Variants in TSPEAR observed in about 807,000 individuals in gnomAD.
The protein encoded by TSPEAR is thrombospondin-type laminin G domain and EAR repeat-containing protein.
In TSPEAR, 69 loss-of-function variants were observed where a neutral mutation model predicts 71.6. The ratio of observed to expected loss-of-function variants is 0.96; its 90% CI spans 0.79 to 1.18. The LOEUF is 1.18. Among genes scored for constraint, TSPEAR ranks in the 50% most tolerant of loss-of-function variants. The pLI is 0.00. For synonymous variants in TSPEAR, 402 were observed against 387.2 expected (o/e 1.04, Z -0.45); for missense variants, 971 against 894.9 (o/e 1.09, Z -1.09).
intron 6 of TSPEAR, among the ~76,000 whole-genome samples, chr21:44,527,867 G>A (rs1399531140): frequency 1.3e-5 from 2 of 152,182 alleles, no homozygotes; most frequent in Admixed American, 6.5e-5. Context: ...TTTCCCACGG[G>A]TAACCTGTCT....
At chr21:44,540,313 T>A in intron 2 of TSPEAR, 1 of 1,205,910 alleles carries the variant, frequency 8.3e-7, no homozygotes, top group Non-Finnish European at 1.2e-6. Flanking sequence ...AGCGTCCCCT[T>A]CCTGGTTGCT....
chr21:44,613,432 A>C (rs1205683813), intron 1 of TSPEAR, among the ~76,000 whole-genome samples: 1 of 152,158 alleles, frequency 6.6e-6, no homozygotes, highest in Non-Finnish European at 1.5e-5. Flanking sequence ...CATTCGCTGT[A>C]GTGCCCTGGG....
Position 44,654,735 on chromosome 21 carries a change from G to A in TSPEAR, c.82+56698C>T, listed in dbSNP as rs192788162. 48 of 683,392 alleles carry A rather than the reference G, an allele frequency of 7.0e-5. 1 individual carries two copies. The Admixed American group carries it at 1.0e-3, about 15-fold the overall frequency. 42.3% of individuals were successfully genotyped at this position (683,392 alleles called of 1,614,324 possible). ...CAACAAGCCCCCTGGCATCTTCCTCGTGGGTGGTTTTTCCTCCTCTGCCCT... is the reference window on the plus strand; with the variant it reads ...CAACAAGCCCCCTGGCATCTTCCTCATGGGTGGTTTTTCCTCCTCTGCCCT... On this transcript the variant is annotated intron_variant, in intron 1 of 11. Transcript: ENST00000323084.
chr21:44,699,811 C>T (rs930852974), intron 1 of TSPEAR, among the ~76,000 whole-genome samples: 14 of 152,216 alleles, frequency 9.2e-5, no homozygotes, highest in African/African-American at 3.4e-4. Flanking sequence ...TGCCCCCAGA[C>T]CGAAGGGAAG....
intron 1 of TSPEAR, among the ~76,000 whole-genome samples, chr21:44,577,813 C>T (rs1186053458): frequency 2.0e-5 from 3 of 152,174 alleles, no homozygotes; most frequent in African/African-American, 4.8e-5. Context: ...CATTATAAAA[C>T]AAGAGAACAA....
rs192374813 is a variant in TSPEAR at position 44,591,464 on chromosome 21, C to T, written c.83-23459G>A. ...CACATGGGGCGGCAGAGGAGGGAAA[C>T]ACAGGAGGCCGTGCGGCAGCAGCTG... On this transcript the variant is annotated intron_variant, in intron 1 of 11. Coordinates refer to ENST00000323084, the MANE Select transcript of TSPEAR (RefSeq NM_144991.3). 2.0e-5 allele frequency: 33 copies of T among 1,614,044 alleles called. No individual in the cohort carries two copies. In the East Asian group the frequency reaches 6.5e-4, roughly 32 times the overall value.
At chr21:44,527,198 C>T (rs1167699454) in intron 7 of TSPEAR, 94 bp downstream of exon 7, 2 of 1,240,544 alleles carry the variant, frequency 1.6e-6, no homozygotes, top group African/African-American at 2.9e-5. Context: ...TGAGAAACTC[C>T]TTTACCTGCA....
intron 1 of TSPEAR, among the ~76,000 whole-genome samples, chr21:44,636,263 G>A (rs1399745121): frequency 6.6e-6 from 1 of 152,232 alleles, no homozygotes; most frequent in Non-Finnish European, 1.5e-5. Flanking sequence ...CGTTGTATGT[G>A]TTCTGGTCAA....
chr21:44,533,903 C>G lies in TSPEAR; in HGVS notation c.324G>C (p.Thr108=). 2 of 1,611,040 alleles carry G rather than the reference C, an allele frequency of 1.2e-6. No individual in the cohort carries two copies. Among genetic ancestry groups the G allele is most frequent in the Non-Finnish European group, 1.7e-6 (2 of 1,179,430 alleles). ...LPPKRNEYLL[T]VVAEESDLLL... ...GCAGGTCGCTCTCCTCTGCCACCAC[C>G]GTCAGCAGGTACTCGTTCCTCTGTG... Residue 108 remains threonine, a synonymous_variant, in exon 3 of 12, where the codon ACG becomes ACC. Transcript: ENST00000323084.
chr21:44,664,051 C>T (rs1190078847), intron 1 of TSPEAR, among the ~76,000 whole-genome samples: 4 of 152,088 alleles, frequency 2.6e-5, no homozygotes, highest in Non-Finnish European at 4.4e-5. Context: ...AACAACAAAG[C>T]AAGAACATTC....
chr21:44,571,328 G>A (rs1465599769), intron 1 of TSPEAR, among the ~76,000 whole-genome samples: 3 of 152,206 alleles, frequency 2.0e-5, no homozygotes, highest in Non-Finnish European at 4.4e-5. Context: ...GGAATTACAG[G>A]CATGAGCCAC....
intron 1 of TSPEAR, among the ~76,000 whole-genome samples, chr21:44,662,316 A>G (rs1399690726): frequency 2.0e-5 from 3 of 152,232 alleles, no homozygotes; most frequent in African/African-American, 7.2e-5. Flanking sequence ...CCACACAAAC[A>G]TTAATCAAGT....
intron 1 of TSPEAR, chr21:44,702,442 A>C (rs1555951691): frequency 6.2e-7 from 1 of 1,609,826 alleles, no homozygotes; most frequent in African/African-American, 1.3e-5. Flanking sequence ...AGCTTGCTGC[A>C]CCTCCTCCCC....
At chr21:44,613,002 T>G (rs1981824365) in intron 1 of TSPEAR, 1 of 1,387,854 alleles carries the variant, frequency 7.2e-7, no homozygotes, top group South Asian at 1.3e-5. Flanking sequence ...ATGTCTCCCC[T>G]GTGCTGAGGT....
intron 2 of TSPEAR, chr21:44,551,643 G>C (rs1490581281): frequency 3.0e-5 from 25 of 828,270 alleles, no homozygotes; most frequent in Admixed American, 1.2e-4. Context: ...GGAGCCGGGA[G>C]GACCCTCATT....
rs75143779 is a variant in TSPEAR, at chr21:44,512,623, C to T, written c.1567-3237G>A. Among the ~76,000 whole-genome samples the T allele has an allele frequency of 5.3e-5, 8 of 152,274 alleles. No homozygotes were observed. The East Asian group carries it at 5.8e-4, about 11-fold the overall frequency. On this transcript the variant is annotated intron_variant, in intron 9 of 11. Coordinates refer to ENST00000323084, the MANE Select transcript of TSPEAR (RefSeq NM_144991.3). ...GACCCTGGGTTGGGAATGCGCGAGACGGGCAGTCTGGTCTGGTGGGACCTG... is the reference window on the plus strand; with the variant it reads ...GACCCTGGGTTGGGAATGCGCGAGATGGGCAGTCTGGTCTGGTGGGACCTG...
chr21:44,558,434 G>T, intron 2 of TSPEAR: 1 of 1,614,126 alleles, frequency 6.2e-7, no homozygotes, highest in East Asian at 2.2e-5. Flanking sequence ...CCTGCTGGCA[G>T]GGGGAGGATG....
At chr21:44,504,935 G>T in intron 10 of TSPEAR, 54 bp from the exon 11 acceptor site, 1 of 1,461,410 alleles carries the variant, frequency 6.8e-7, no homozygotes, top group Non-Finnish European at 9.6e-7. Context: ...CCAGGGAACT[G>T]GGGGATTGGC....
At position 44,601,457 on chromosome 21, in the gene TSPEAR, T is replaced by C; in HGVS notation, c.83-33452A>G. ...TGTAAGCCTGTGTGCTGTGTGCCCG[T>C]CTGCTCTGGGGCTTCCACTTCATGC... On this transcript the variant is annotated intron_variant, in intron 1 of 11. Coordinates refer to ENST00000323084, the MANE Select transcript of TSPEAR (RefSeq NM_144991.3). The C allele has an allele frequency of 3.7e-6, 6 of 1,610,488 alleles. No homozygotes were observed. In the African/African-American group the frequency reaches 4.1e-5, roughly 11 times the overall value.
Sources: allele counts gnomAD v4.1 joint callset (sites outside exome capture counted in the v4.1 genomes callset), GRCh38; gene constraint gnomAD v4.1.1; transcripts MANE v1.5; gene names NCBI Gene and HGNC (gene_info 2026-07-23, HGNC 2026-07-21).